The following NRG4 variants were observed in gnomAD, a reference collection of about 807,000 sequenced individuals.
NRG4 encodes the protein pro-neuregulin-4, membrane-bound isoform.
NRG4 carries 10 observed loss-of-function variants against 15.0 expected under a neutral mutation model. The ratio of observed to expected loss-of-function variants is 0.67; its 90% CI spans 0.41 to 1.13. The LOEUF is 1.13. Among genes scored for constraint, NRG4 ranks in the 50% most tolerant of loss-of-function variants. NRG4 has a pLI of 0.00. For missense variants in NRG4, 139 were observed against 140.2 expected, an observed-to-expected ratio of 0.99 and a Z score of 0.04; for synonymous variants, 41 against 50.1, an observed-to-expected ratio of 0.82 and a Z score of 0.77.
intron 3 of NRG4, among the ~76,000 whole-genome samples, chr15:76,007,058 A>G (rs1381104165): frequency 2.0e-5 from 3 of 152,348 alleles, no homozygotes; most frequent in South Asian, 4.1e-4. Context: ...GTTTAAATCT[A>G]AAACTGAACA....
downstream of NRG4, chr15:75,937,167 T>C (rs1311339976): frequency 6.7e-6 from 1 of 149,796 alleles, no homozygotes; most frequent in Non-Finnish European, 1.5e-5. Flanking sequence ...TCAGCAAAAA[T>C]GGGTGGACTA....
chr15:75,994,743 A>C (rs1209653754), intron 3 of NRG4, among the ~76,000 whole-genome samples: 2 of 152,244 alleles, frequency 1.3e-5, no homozygotes, highest in African/African-American at 4.8e-5. Context: ...ATTAGCCACA[A>C]GGATCATATT....
intron 3 of NRG4, among the ~76,000 whole-genome samples, chr15:76,008,495 C>G (rs2034689661): frequency 6.6e-6 from 1 of 152,128 alleles, no homozygotes; most frequent in South Asian, 2.1e-4. Context: ...ATCTTTAGAT[C>G]TTGGGTGTTA....
At chr15:76,019,340 C>T (rs142931687) in intron 5 of NRG4, among the ~76,000 whole-genome samples, 5,612 of 152,022 alleles carry the variant, frequency 0.037, 179 homozygotes, top group African/African-American at 0.085. Flanking sequence ...GGGGGGTGAA[C>T]GGTTCTGTCT....
At chr15:76,022,220 G>C (rs892808751) in intron 5 of NRG4, among the ~76,000 whole-genome samples, 2 of 151,954 alleles carry the variant, frequency 1.3e-5, no homozygotes, top group Admixed American at 1.3e-4. Context: ...TTCCATCCAC[G>C]TATCAATAAA....
At chr15:76,031,786 C>A (rs1408213601) in intron 5 of NRG4, among the ~76,000 whole-genome samples, 1 of 152,146 alleles carries the variant, frequency 6.6e-6, no homozygotes, top group Non-Finnish European at 1.5e-5. Context: ...ACCCAGGAGG[C>A]AGAGGTTGCA....
At chr15:76,007,809 T>A (rs2034661999) in intron 3 of NRG4, among the ~76,000 whole-genome samples, 1 of 152,200 alleles carries the variant, frequency 6.6e-6, no homozygotes, top group Non-Finnish European at 1.5e-5. Flanking sequence ...GAATCCAGTA[T>A]GAATATATTA....
intron 3 of NRG4, chr15:75,971,377 T>C: frequency 3.5e-6 from 1 of 288,210 alleles, no homozygotes; most frequent in South Asian, 3.0e-5. Context: ...AAAATTTGTC[T>C]ATTTTCTTTA....
At chr15:75,940,879 G>C (rs902605150), downstream of NRG4, 2 of 152,072 alleles carry the variant, frequency 1.3e-5, no homozygotes, top group Non-Finnish European at 2.9e-5. Flanking sequence ...AAACTCTTAG[G>C]ATGTGGCAGT....
At chr15:76,027,306 G>A (rs771135189) in intron 5 of NRG4, among the ~76,000 whole-genome samples, 47 of 151,598 alleles carry the variant, frequency 3.1e-4, no homozygotes, top group African/African-American at 1.1e-3. Flanking sequence ...CAAGTCAAAA[G>A]CTGTACAAAG....
chr15:76,030,867 C>T (rs886859568), intron 5 of NRG4, among the ~76,000 whole-genome samples: 20 of 152,108 alleles, frequency 1.3e-4, no homozygotes, highest in Middle Eastern at 3.2e-3. Context: ...GAAGAATGAA[C>T]ATTTCCCAAC....
intron 3 of NRG4, among the ~76,000 whole-genome samples, chr15:75,976,158 T>C (rs907181899): frequency 1.3e-5 from 2 of 152,218 alleles, no homozygotes; most frequent in African/African-American, 4.8e-5. Flanking sequence ...CTTTACGAAA[T>C]TCTCGTGCTA....
chr15:75,941,727 C>T lies in NRG4; in HGVS notation c.*1911G>A, dbSNP rs932109552. 1.3e-5 allele frequency: 2 copies of T among 152,022 alleles called. No individual in the cohort carries two copies. Among genetic ancestry groups the T allele is most frequent in the African/African-American group, 2.4e-5 (1 of 41,412 alleles). The allele number at this position is 152,022 out of a possible 1,614,324, so 9.4% of individuals were successfully genotyped here. A position where few individuals can be genotyped will look rare whatever the true frequency, so the allele number is the denominator to read the frequency against. On this transcript the variant is annotated 3_prime_UTR_variant, in exon 6 of 6. Coordinates refer to ENST00000394907, the MANE Select transcript of NRG4 (RefSeq NM_138573.4). Reference sequence around the variant, plus strand: ...TGAGATTCATAGAGACAAAGTAGAACAAAGATTACGTTTTGTCACAGGGAG... The same window carrying T: ...TGAGATTCATAGAGACAAAGTAGAATAAAGATTACGTTTTGTCACAGGGAG...
At chr15:75,980,833 G>GAA (rs140425625) in intron 3 of NRG4, among the ~76,000 whole-genome samples, 3 of 148,534 alleles carry the variant, frequency 2.0e-5, no homozygotes, top group Non-Finnish European at 4.5e-5. Context: ...AGCTCTGTAA[G>GAA]AAAAAAAAAT....
At position 75,943,574 on chromosome 15, in the gene NRG4, A is replaced by C; in HGVS notation, c.*64T>G. The C allele has an allele frequency of 1.1e-6, 1 of 932,360 alleles. No individual in the cohort carries two copies. The highest frequency in any genetic ancestry group is 1.8e-6 in the Non-Finnish European group (1 of 569,332). The allele number at this position is 932,360 out of a possible 1,614,324, so 57.8% of individuals were successfully genotyped here. On this transcript the variant is annotated 3_prime_UTR_variant, in exon 6 of 6. Transcript: ENST00000394907. ...GATTAGATTTTTAATTCTTTTACCT[A>C]GTGGTGTTTCATTTTCTGCCTTTGT...
chr15:76,025,716 A>G (rs1407425402), intron 5 of NRG4, among the ~76,000 whole-genome samples: 1 of 152,042 alleles, frequency 6.6e-6, no homozygotes, highest in Non-Finnish European at 1.5e-5. Context: ...TCTCTACTAA[A>G]AAATACAAAA....
chr15:76,051,953 T>G (rs1033977853), intron 4 of NRG4: 1 of 151,020 alleles, frequency 6.6e-6, no homozygotes, highest in Non-Finnish European at 1.5e-5. Context: ...TTTTCCATAT[T>G]GCAGAGACTA....
downstream of NRG4, chr15:75,939,012 G>A (rs375254940): frequency 6.6e-6 from 1 of 152,050 alleles, no homozygotes; most frequent in Non-Finnish European, 1.5e-5. Flanking sequence ...AAACAAAAAA[G>A]ACCTCATGTC....
rs756715315 is a variant in NRG4, at chr15:76,050,190, A to G, written c.-105+1877T>C. 1.3e-5 allele frequency among the ~76,000 whole-genome samples: 2 copies of G among 150,968 alleles called. 1 individual carries two copies. The highest frequency in any genetic ancestry group is 4.9e-5 in the African/African-American group (2 of 40,460). ...GGTTAGAAGACCTAATGATGGGTGT[A>G]TAAGTGGTAGATAAGCTTTTCTCAG... is the stretch of plus-strand genomic sequence containing the variant. On this transcript the variant is annotated intron_variant, in intron 4 of 8. Transcript: ENST00000563910.
Sources: allele counts gnomAD v4.1 joint callset (sites outside exome capture counted in the v4.1 genomes callset), GRCh38; gene constraint gnomAD v4.1.1; transcripts MANE v1.5; gene names NCBI Gene and HGNC (gene_info 2026-07-23, HGNC 2026-07-21).